DAP: variants seen among roughly 807,000 people sequenced by gnomAD.
DAP encodes the protein death-associated protein 1.
Under a neutral mutation model 13.8 loss-of-function variants are expected in DAP, and 8 were observed. The ratio of observed to expected loss-of-function variants is 0.58; its 90% CI spans 0.34 to 1.05. DAP has a LOEUF of 1.05. DAP is among the 50% of genes least tolerant of loss of function. The pLI, the probability that DAP is intolerant of heterozygous loss-of-function variation, is 0.03. For synonymous variants in DAP, 47 were observed against 47.5 expected (o/e 0.99, Z 0.04); for missense variants, 106 against 133.2 (o/e 0.80, Z 1.01).
chr5:10,756,659 G>T (rs1376276796), intron 1 of DAP, among the ~76,000 whole-genome samples: 1 of 152,172 alleles, frequency 6.6e-6, no homozygotes, highest in East Asian at 1.9e-4. Context: ...AGATTTATGA[G>T]AACTCTACTG....
intron 2 of DAP, among the ~76,000 whole-genome samples, chr5:10,747,309 C>G (rs1739930695): frequency 6.6e-6 from 1 of 152,120 alleles, no homozygotes; most frequent in African/African-American, 2.4e-5. Context: ...TTTCAAGGTC[C>G]CTGAACCCAA....
chr5:10,731,479 C>T (rs1383410845), intron 2 of DAP, among the ~76,000 whole-genome samples: 3 of 152,222 alleles, frequency 2.0e-5, no homozygotes, highest in Non-Finnish European at 4.4e-5. Flanking sequence ...TGCCCAGGCT[C>T]CAGGTCCTAA....
chr5:10,746,982 T>C (rs1371073536), intron 2 of DAP, among the ~76,000 whole-genome samples: 1 of 152,210 alleles, frequency 6.6e-6, no homozygotes, highest in Non-Finnish European at 1.5e-5. Context: ...CCTAGCACGG[T>C]GCATGATATG....
intron 2 of DAP, among the ~76,000 whole-genome samples, chr5:10,690,232 CA>C (rs1738273321): frequency 6.6e-6 from 1 of 152,214 alleles, no homozygotes. Context: ...CTGGTCTGCT[CA>C]AGGCAAACGT....
chr5:10,681,146 C>T lies in DAP; in HGVS notation c.219G>A (p.Ala73=), dbSNP rs745934217. The T allele has an allele frequency of 7.9e-6, 12 of 1,521,530 alleles. No homozygotes were observed. The highest frequency in any genetic ancestry group is 1.4e-5 in the African/African-American group (1 of 72,034). The allele number at this position is 1,521,530 out of a possible 1,614,324, so 94.3% of individuals were successfully genotyped here. Residue 73 remains alanine, a synonymous_variant, in exon 4 of 4, where the codon GCG becomes GCA. Transcript: ENST00000230895. ...GCTTCTGGTGAGCCACCTGCGCAGC[C>T]GCCGGGGGGAAATCTTTGTCACCCT... is the stretch of plus-strand genomic sequence containing the variant. ...IARGDKDFPP[A]AAQVAHQKPH... is the part of the protein sequence containing the mutation.
At chr5:10,687,077 A>G (rs1738174589) in intron 2 of DAP, among the ~76,000 whole-genome samples, 1 of 152,232 alleles carries the variant, frequency 6.6e-6, no homozygotes, top group Non-Finnish European at 1.5e-5. Context: ...GGGATGACAG[A>G]GCCTGGATGA....
chr5:10,689,002 C>T (rs1031090133), intron 2 of DAP, among the ~76,000 whole-genome samples: 83 of 152,160 alleles, frequency 5.5e-4, no homozygotes, highest in African/African-American at 2.0e-3. Context: ...AGCCCAGGGG[C>T]CTGCCACAGT....
At position 10,680,708 on chromosome 5, in the gene DAP, C is replaced by CA; in HGVS notation, c.*347dup. 1 of 1,532,472 alleles carries CA rather than the reference C, an allele frequency of 6.5e-7. No homozygotes were observed. Among genetic ancestry groups the CA allele is most frequent in the Non-Finnish European group, 8.7e-7 (1 of 1,144,088 alleles). 94.9% of individuals were successfully genotyped at this position (1,532,472 alleles called of 1,614,324 possible). A position where few individuals can be genotyped will look rare whatever the true frequency, so the allele number is the denominator to read the frequency against. ...TCTCCTAACCTTAATCTCATCTTCTCAAATGTGTGCCTTCTTGTTTTTAAG... is the reference window on the plus strand; with the variant it reads ...TCTCCTAACCTTAATCTCATCTTCTCAAAATGTGTGCCTTCTTGTTTTTAAG... On this transcript the variant is annotated 3_prime_UTR_variant, in exon 4 of 4. Transcript: ENST00000230895.
intron 2 of DAP, among the ~76,000 whole-genome samples, chr5:10,711,243 A>G (rs540154324): frequency 8.5e-5 from 13 of 152,336 alleles, no homozygotes; most frequent in African/African-American, 2.9e-4. Context: ...AGAGCAGCGC[A>G]TGGCTCCCAG....
rs961881554 is a variant in DAP at position 10,707,216 on chromosome 5, G to C, written c.153-23645C>G. Among the ~76,000 whole-genome samples the C allele has an allele frequency of 1.3e-5, 2 of 152,224 alleles. No homozygotes were observed. The highest frequency in any genetic ancestry group is 2.1e-4 in the South Asian group (1 of 4,836). Reference sequence around the variant, plus strand: ...CAAGGTGCTAAAGGAGCACACAGCAGGGGTTTAAACTGGTTTGGAGGGCCA... The same window carrying C: ...CAAGGTGCTAAAGGAGCACACAGCACGGGTTTAAACTGGTTTGGAGGGCCA... On this transcript the variant is annotated intron_variant, in intron 2 of 3. Coordinates refer to ENST00000230895, the MANE Select transcript of DAP (RefSeq NM_004394.3). This position sits in a 1 kb window ranked among gnomAD's most constrained non-coding sequence, Gnocchi z 4.0.
chr5:10,741,201 A>G (rs1292769427), intron 2 of DAP, among the ~76,000 whole-genome samples: 2 of 152,132 alleles, frequency 1.3e-5, no homozygotes, highest in African/African-American at 4.8e-5. Flanking sequence ...AAAAATTTAA[A>G]AATTTGCTGA....
Position 10,722,972 on chromosome 5 carries a change from C to T in DAP, c.152+25203G>A, listed in dbSNP as rs577384164. On this transcript the variant is annotated intron_variant, in intron 2 of 3. Coordinates refer to ENST00000230895, the MANE Select transcript of DAP (RefSeq NM_004394.3). ...GATGTACCGAAAAATCCTCTTTACACGTCTTTATGCTTCTGGCCACTACAG... is the reference window on the plus strand; with the variant it reads ...GATGTACCGAAAAATCCTCTTTACATGTCTTTATGCTTCTGGCCACTACAG... Among the ~76,000 whole-genome samples, 7 of 152,326 alleles carry T rather than the reference C, an allele frequency of 4.6e-5. No homozygotes were observed. The South Asian group carries it at 1.4e-3, about 32-fold the overall frequency.
chr5:10,750,847 A>G (rs572141732), intron 1 of DAP, among the ~76,000 whole-genome samples: 6 of 152,306 alleles, frequency 3.9e-5, no homozygotes, highest in Non-Finnish European at 1.5e-5. Context: ...GGGGCCTGTG[A>G]TGCAGACAGC....
chr5:10,748,783 A>C (rs1349094859), intron 1 of DAP, among the ~76,000 whole-genome samples: 2 of 152,244 alleles, frequency 1.3e-5, no homozygotes, highest in African/African-American at 4.8e-5. Context: ...TGTGCTGTGA[A>C]ACCCTACCGC....
intron 2 of DAP, among the ~76,000 whole-genome samples, chr5:10,742,226 C>A (rs1274013188): frequency 6.6e-6 from 1 of 152,110 alleles, no homozygotes; most frequent in African/African-American, 2.4e-5. Context: ...ATTTATTTTA[C>A]CGTATGGGTT....
chr5:10,711,151 G>T (rs1295354727), intron 2 of DAP, among the ~76,000 whole-genome samples: 3 of 152,208 alleles, frequency 2.0e-5, no homozygotes, highest in African/African-American at 7.2e-5. Flanking sequence ...GTTTTGAAAT[G>T]AGGGGAGAGA....
At position 10,684,345 on chromosome 5, in the gene DAP, T is replaced by A. The variant is rs188741980; in HGVS notation, c.153-774A>T. ...AGCCAACACAAACCTCCCGTCCCCA[T>A]CAATCCCTGAGCATTACAAATATAA... On this transcript the variant is annotated intron_variant, in intron 2 of 3. Transcript: ENST00000230895. Among the ~76,000 whole-genome samples, 30 of 152,262 alleles carry A rather than the reference T, an allele frequency of 2.0e-4. No homozygotes were observed. The East Asian group carries it at 5.8e-3, about 29-fold the overall frequency.
rs548805522 is a variant in DAP at position 10,727,888 on chromosome 5, C to T, written c.152+20287G>A. On this transcript the variant is annotated intron_variant, in intron 2 of 3. Transcript: ENST00000230895. ...TCCTCCCATATACTTTAAATCATCT[C>T]CAGTTACTTACAATTCCTGATACGA... Among the ~76,000 whole-genome samples the T allele has an allele frequency of 7.9e-5, 12 of 152,272 alleles. No homozygotes were observed. The East Asian group carries it at 2.3e-3, about 29-fold the overall frequency.
At chr5:10,715,126 T>C (rs5745225) in intron 2 of DAP, among the ~76,000 whole-genome samples, 13,959 of 152,160 alleles carry the variant, frequency 0.092, 885 homozygotes, top group African/African-American at 0.18. Context: ...TTTGCTTGTG[T>C]CCAAAGTGCA....
Sources: allele counts gnomAD v4.1 joint callset (sites outside exome capture counted in the v4.1 genomes callset), GRCh38; gene constraint gnomAD v4.1.1; non-coding constraint Gnocchi (gnomAD v3.1); transcripts MANE v1.5; gene names NCBI Gene and HGNC (gene_info 2026-07-23, HGNC 2026-07-21).